PDE1C: variants seen among roughly 807,000 people sequenced by gnomAD.
PDE1C encodes the protein dual specificity calcium/calmodulin-dependent 3',5'-cyclic nucleotide phosphodiesterase 1C.
A neutral mutation model predicts 93.1 loss-of-function variants in PDE1C; 62 were observed. The observed-to-expected ratio is 0.67, with a 90% CI of 0.54 to 0.82. The LOEUF is 0.82. PDE1C is among the 40% of genes least tolerant of loss of function. PDE1C has a pLI of 0.00. For synonymous variants in PDE1C, 325 were observed against 310.1 expected, an observed-to-expected ratio of 1.05 and a Z score of -0.50; for missense variants, 742 against 884.6, an observed-to-expected ratio of 0.84 and a Z score of 2.04.
chr7:31,920,963 T>A (rs926654818), intron 2 of PDE1C, among the ~76,000 whole-genome samples: 1 of 152,196 alleles, frequency 6.6e-6, no homozygotes, highest in Non-Finnish European at 1.5e-5. Flanking sequence ...TGCATGTATA[T>A]CCATGACTGA....
intron 16 of PDE1C, among the ~76,000 whole-genome samples, chr7:31,808,735 A>C (rs1169487751): frequency 1.3e-5 from 2 of 152,048 alleles, no homozygotes; most frequent in African/African-American, 2.4e-5. Context: ...TAGCTGTCTG[A>C]TCAGCAAGTC....
chr7:31,891,638 C>T (rs1201431536), intron 2 of PDE1C, among the ~76,000 whole-genome samples: 1 of 151,816 alleles, frequency 6.6e-6, no homozygotes, highest in Admixed American at 6.6e-5. Context: ...AAATGGAGGA[C>T]AAGATTAGGG....
intron 1 of PDE1C, among the ~76,000 whole-genome samples, chr7:32,402,022 G>C (rs943972348): frequency 1.3e-5 from 2 of 152,044 alleles, no homozygotes; most frequent in Non-Finnish European, 2.9e-5. Flanking sequence ...TTATATACAT[G>C]ATCTATTTAT....
chr7:31,853,638 C>T (rs1793619336), intron 7 of PDE1C, among the ~76,000 whole-genome samples: 1 of 152,036 alleles, frequency 6.6e-6, no homozygotes, highest in African/African-American at 2.4e-5. Context: ...CAGCTCCCCA[C>T]TTCAGGAAGG....
intron 1 of PDE1C, among the ~76,000 whole-genome samples, chr7:32,424,100 T>C (rs1001653634): frequency 6.6e-6 from 1 of 152,202 alleles, no homozygotes; most frequent in Non-Finnish European, 1.5e-5. Flanking sequence ...TGCTCCCTCT[T>C]TTCCACTAGT....
intron 1 of PDE1C, among the ~76,000 whole-genome samples, chr7:32,308,004 C>T (rs997829252): frequency 2.0e-5 from 3 of 152,210 alleles, no homozygotes; most frequent in African/African-American, 7.2e-5. Flanking sequence ...ACAGATGGCA[C>T]CTGGAAAATC....
chr7:32,133,435 G>T (rs1232151322), intron 3 of PDE1C, among the ~76,000 whole-genome samples: 1 of 152,168 alleles, frequency 6.6e-6, no homozygotes, highest in African/African-American at 2.4e-5. Context: ...GAAGAAGATA[G>T]TGAAGACACA....
intron 9 of PDE1C, among the ~76,000 whole-genome samples, chr7:31,845,007 T>C (rs1194912539): frequency 1.3e-5 from 2 of 151,342 alleles, no homozygotes; most frequent in Non-Finnish European, 2.9e-5. Flanking sequence ...TTTTAATTTA[T>C]GTTTTCATTT....
At chr7:32,055,950 C>A (rs1437670956) in intron 1 of PDE1C, among the ~76,000 whole-genome samples, 2 of 152,140 alleles carry the variant, frequency 1.3e-5, no homozygotes, top group African/African-American at 4.8e-5. Flanking sequence ...GAACTCCTGA[C>A]CTCAAGTGAT....
chr7:31,960,991 T>C (rs1013828936), intron 2 of PDE1C, among the ~76,000 whole-genome samples: 1 of 152,150 alleles, frequency 6.6e-6, no homozygotes, highest in Admixed American at 6.6e-5. Context: ...CTCTCTCAAT[T>C]TGGCCTAACA....
chr7:31,685,483 A>G, the PDE1C span, among the ~76,000 whole-genome samples: 6 of 152,178 alleles, frequency 3.9e-5, no homozygotes, highest in Non-Finnish European at 8.8e-5. Context: ...AAAACAGTTT[A>G]ATTCAAAAGA....
chr7:31,793,388 A>C (rs1784799797), intron 16 of PDE1C, among the ~76,000 whole-genome samples: 1 of 152,002 alleles, frequency 6.6e-6, no homozygotes, highest in Non-Finnish European at 1.5e-5. Flanking sequence ...CTTGGATTTG[A>C]TGTTTTTACA....
intron 3 of PDE1C, among the ~76,000 whole-genome samples, chr7:32,114,780 C>T (rs1023749367): frequency 1.3e-5 from 2 of 151,614 alleles, no homozygotes; most frequent in African/African-American, 2.4e-5. Context: ...ATAAAATAAA[C>T]AACCCCATCA....
chr7:32,177,363 T>C (rs894138158), intron 2 of PDE1C, among the ~76,000 whole-genome samples: 50 of 152,214 alleles, frequency 3.3e-4, no homozygotes, highest in Non-Finnish European at 5.9e-5. Context: ...GTATTCACCA[T>C]GTTTCTAGCA....
chr7:31,964,047 T>G (rs919332185), intron 2 of PDE1C, among the ~76,000 whole-genome samples: 1 of 152,104 alleles, frequency 6.6e-6, no homozygotes, highest in Non-Finnish European at 1.5e-5. Context: ...AGAAGACGGG[T>G]GATTTCTGCA....
At chr7:32,070,448 T>A, upstream of PDE1C, 1 of 1,596,218 alleles carries the variant, frequency 6.3e-7, no homozygotes, top group Non-Finnish European at 8.5e-7. Context: ...GGCTGTCCCC[T>A]CCCCGTCTCC....
intron 16 of PDE1C, among the ~76,000 whole-genome samples, chr7:31,796,532 A>G (rs932396324): frequency 2.0e-5 from 3 of 151,914 alleles, no homozygotes; most frequent in Admixed American, 1.3e-4. Flanking sequence ...GTTTATTACC[A>G]AAAGCGCTAA....
intron 2 of PDE1C, among the ~76,000 whole-genome samples, chr7:31,936,839 A>G (rs913419578): frequency 6.6e-6 from 1 of 152,194 alleles, no homozygotes; most frequent in Non-Finnish European, 1.5e-5. Context: ...GTTAAGAGCC[A>G]GCCCACGACA....
At chr7:32,053,515 G>A (rs896251756) in intron 1 of PDE1C, among the ~76,000 whole-genome samples, 48 of 152,250 alleles carry the variant, frequency 3.2e-4, no homozygotes, top group African/African-American at 1.1e-3. Flanking sequence ...CTGGCAAGAC[G>A]AAAAAATAAC....
Sources: gnomAD v4.1 joint callset for allele counts (sites outside exome capture counted in the v4.1 genomes callset) on GRCh38, gnomAD v4.1.1 for gene constraint, MANE v1.5 for transcripts, NCBI Gene and HGNC (gene_info 2026-07-23, HGNC 2026-07-21) for gene names.